The following PHKG2 variants were observed in gnomAD, a reference collection of about 807,000 sequenced individuals.
The protein encoded by PHKG2 is phosphorylase kinase catalytic subunit gamma 2.
In PHKG2, 28 loss-of-function variants were observed where a neutral mutation model predicts 44.5. That is an observed-to-expected ratio of 0.63 (90% confidence interval 0.47 to 0.86). The LOEUF is 0.86. Ranked by LOEUF, PHKG2 falls within the 40% of genes least tolerant of loss-of-function variation. The pLI, the probability that PHKG2 is intolerant of heterozygous loss-of-function variation, is 0.00. For missense variants in PHKG2, 498 were observed against 547.5 expected (o/e 0.91, Z 0.90); for synonymous variants, 220 against 211.2 (o/e 1.04, Z -0.36).
chr16:30,760,292 G>T lies in PHKG2; in HGVS notation c.*3195G>T. The T allele has an allele frequency of 6.2e-7, 1 of 1,614,130 alleles. No individual in the cohort carries two copies. The highest frequency in any genetic ancestry group is 1.6e-4 in the Middle Eastern group (1 of 6,062). The stretch of plus-strand genomic sequence containing the variant: ...TAGCTGCCCCCTCTCACCAATACAA[G>T]CCTTGTGAAGATCCTGGAGCAGGGC... On this transcript the variant is annotated 3_prime_UTR_variant, in exon 10 of 10. Coordinates refer to ENST00000563588, the MANE Select transcript of PHKG2 (RefSeq NM_000294.3).
intron 4 of PHKG2, among the ~76,000 whole-genome samples, chr16:30,752,129 G>A (rs2053356560): frequency 6.9e-6 from 1 of 144,522 alleles, no homozygotes; most frequent in Non-Finnish European, 1.5e-5. Context: ...AGACGTGGTA[G>A]CTCATGCCTG....
At chr16:30,750,640 C>T (rs937796237) in intron 2 of PHKG2, among the ~76,000 whole-genome samples, 1 of 152,200 alleles carries the variant, frequency 6.6e-6, no homozygotes, top group Non-Finnish European at 1.5e-5. Context: ...AATCTGGGGT[C>T]TGCACTAAGA....
intron 1 of PHKG2, 41 bp downstream of exon 1, chr16:30,748,531 C>T (rs1450482638): frequency 1.2e-5 from 6 of 512,162 alleles, no homozygotes; most frequent in African/African-American, 9.9e-5. Flanking sequence ...CTGCGCCCGC[C>T]CGAATGCGCC....
chr16:30,753,484 A>G lies in PHKG2; in HGVS notation c.483A>G (p.Leu161=). The G allele has an allele frequency of 2.5e-6, 4 of 1,614,098 alleles. No homozygotes were observed. Among genetic ancestry groups the G allele is most frequent in the Non-Finnish European group, 3.4e-6 (4 of 1,179,982 alleles). ...ATCTGAAGCCCGAGAATATTCTCCT[A>G]GATGACAATATGCAGATCCGACTTT... The part of the protein sequence containing the change: ...HRDLKPENIL[L]DDNMQIRLSD... The change falls in exon 6 of 10, where the codon CTA becomes CTG. Residue 161 remains leucine, a synonymous_variant. Coordinates refer to ENST00000563588, the MANE Select transcript of PHKG2 (RefSeq NM_000294.3).
chr16:30,761,016 TCACAC>T lies in PHKG2; in HGVS notation c.*3920_*3924del. On this transcript the variant is annotated 3_prime_UTR_variant, in exon 10 of 10. Coordinates refer to ENST00000563588, the MANE Select transcript of PHKG2 (RefSeq NM_000294.3). ...CATTCTGTCTTTGGCTCTTTTTTTCTCACACTGCCTCCTCTTTGGACTGGAGAGGC... is the reference window on the plus strand; with the variant it reads ...CATTCTGTCTTTGGCTCTTTTTTTCTTGCCTCCTCTTTGGACTGGAGAGGC... 3.0e-6 allele frequency: 2 copies of T among 666,530 alleles called. No homozygotes were observed. Among genetic ancestry groups the T allele is most frequent in the Admixed American group, 5.8e-5 (2 of 34,416 alleles). 41.3% of individuals were successfully genotyped at this position (666,530 alleles called of 1,614,324 possible).
rs1238172077 is a variant in PHKG2, at chr16:30,757,605, C to G, written c.*508C>G. The G allele has an allele frequency of 4.3e-6, 7 of 1,614,040 alleles. No homozygotes were observed. The highest frequency in any genetic ancestry group is 5.9e-6 in the Non-Finnish European group (7 of 1,180,010). On this transcript the variant is annotated 3_prime_UTR_variant, in exon 10 of 10. Transcript: ENST00000563588. ...CCACCAGCCCCTGGAGCTGCTCCAGCTCTTTGTTCACTTGGGTCTTGATGT... is the reference window on the plus strand; with the variant it reads ...CCACCAGCCCCTGGAGCTGCTCCAGGTCTTTGTTCACTTGGGTCTTGATGT...
intron 2 of PHKG2, among the ~76,000 whole-genome samples, 176 bp downstream of exon 2, chr16:30,749,091 CTGCTGCTGCTGCTGCTGCTGG>C (rs2053300688): frequency 2.5e-4 from 3 of 12,228 alleles, no homozygotes; most frequent in African/African-American, 9.4e-4. Flanking sequence ...GGTGGTGGTG[CTGCTGCTGCTGCTGCTGCTGG>C]TGGTGCTGGT....
At chr16:30,752,143 T>C (rs1306803141) in intron 4 of PHKG2, among the ~76,000 whole-genome samples, 1 of 143,748 alleles carries the variant, frequency 7.0e-6, no homozygotes, top group Non-Finnish European at 1.5e-5. Context: ...ATGCCTGTAA[T>C]CCCAGCATTT....
At position 30,757,636 on chromosome 16, in the gene PHKG2, C is replaced by A. The variant is rs201418865; in HGVS notation, c.*539C>A. 6.2e-6 allele frequency: 10 copies of A among 1,613,254 alleles called. No individual in the cohort carries two copies. On this transcript the variant is annotated 3_prime_UTR_variant, in exon 10 of 10. Transcript: ENST00000563588. ...GTTCACTTGGGTCTTGATGTAGGCT[C>A]GGAGGACGTGGATGTGGCCTGCAGG... is the stretch of plus-strand genomic sequence containing the variant.
chr16:30,760,671 G>T lies in PHKG2; in HGVS notation c.*3574G>T. ...TGGAATGGACGTCCAGGTACTTCCT[G>T]TTATAGTAAAAGAAAAAGAGTATTG... On this transcript the variant is annotated 3_prime_UTR_variant, in exon 10 of 10. Coordinates refer to ENST00000563588, the MANE Select transcript of PHKG2 (RefSeq NM_000294.3). 6.5e-7 allele frequency: 1 copy of T among 1,528,948 alleles called. No individual in the cohort carries two copies. The highest frequency in any genetic ancestry group is 1.2e-5 in the South Asian group (1 of 82,050). 94.7% of individuals were successfully genotyped at this position (1,528,948 alleles called of 1,614,324 possible).
rs898984695 is a variant in PHKG2, at chr16:30,751,099, C to T, written c.96-7C>T. The T allele has an allele frequency of 1.2e-6, 2 of 1,613,112 alleles. No individual in the cohort carries two copies. Among genetic ancestry groups the T allele is most frequent in the Non-Finnish European group, 1.7e-6 (2 of 1,179,990 alleles). On this transcript the variant is annotated splice_polypyrimidine_tract_variant and splice_region_variant and intron_variant, in intron 2 of 9. Transcript: ENST00000563588. ...CCCTGACTTGTGCTATTTTCCGGCT[C>T]TTGCAGAGGAGTGAGCTCTGTGGTC...
intron 6 of PHKG2, chr16:30,755,101 G>A: frequency 2.9e-6 from 1 of 345,256 alleles, no homozygotes; most frequent in South Asian, 2.2e-5. Flanking sequence ...CTTGAGCCAA[G>A]CGTGGTGGCA....
chr16:30,759,247 C>A lies in PHKG2; in HGVS notation c.*2150C>A. On this transcript the variant is annotated 3_prime_UTR_variant, in exon 10 of 10. Transcript: ENST00000563588. ...TAAGTCAAAGACAGATCCAGCCGCA[C>A]CTGGGAAGCAAGGCAGAGGGAGGCT... 6.2e-7 allele frequency: 1 copy of A among 1,614,122 alleles called. No individual in the cohort carries two copies. Among genetic ancestry groups the A allele is most frequent in the Non-Finnish European group, 8.5e-7 (1 of 1,180,022 alleles).
chr16:30,755,715 C>G (rs1175185842), intron 6 of PHKG2, among the ~76,000 whole-genome samples: 1 of 151,974 alleles, frequency 6.6e-6, no homozygotes, highest in Non-Finnish European at 1.5e-5. Context: ...TCCACTTCTT[C>G]CCCTTGGGTT....
intron 6 of PHKG2, among the ~76,000 whole-genome samples, chr16:30,754,315 A>G (rs947443195): frequency 2.0e-5 from 3 of 151,884 alleles, no homozygotes; most frequent in Non-Finnish European, 2.9e-5. Context: ...ACAGGTGCCC[A>G]CCACTACGCC....
chr16:30,760,819 TG>T lies in PHKG2; in HGVS notation c.*3725del, dbSNP rs2151319173. The stretch of plus-strand genomic sequence containing the variant: ...GTGACTATGCAAATCGTTAACTCTC[TG>T]GGCCTAAATGAACTCTTATGAGCCT... On this transcript the variant is annotated 3_prime_UTR_variant, in exon 10 of 10. Coordinates refer to ENST00000563588, the MANE Select transcript of PHKG2 (RefSeq NM_000294.3). 2.8e-6 allele frequency: 2 copies of T among 702,418 alleles called. No homozygotes were observed. Among genetic ancestry groups the T allele is most frequent in the African/African-American group, 1.7e-5 (1 of 57,262 alleles). 43.5% of individuals were successfully genotyped at this position (702,418 alleles called of 1,614,324 possible). A position where few individuals can be genotyped will look rare whatever the true frequency, so the allele number is the denominator to read the frequency against.
intron 6 of PHKG2, among the ~76,000 whole-genome samples, chr16:30,753,785 G>A (rs1413785292): frequency 2.6e-5 from 4 of 152,174 alleles, no homozygotes; most frequent in Non-Finnish European, 5.9e-5. Flanking sequence ...GTGCACAGTG[G>A]GCAGAGGGCC....
intron 4 of PHKG2, among the ~76,000 whole-genome samples, chr16:30,752,280 C>T (rs2053361181): frequency 6.9e-6 from 1 of 144,630 alleles, no homozygotes; most frequent in Admixed American, 7.0e-5. Context: ...TGCCTGTAAT[C>T]CCAGCTAATC....
rs964186357 is a variant in PHKG2, at chr16:30,757,240, T to C, written c.*143T>C. 9 of 1,573,988 alleles carry C rather than the reference T, an allele frequency of 5.7e-6. No homozygotes were observed. The highest frequency in any genetic ancestry group is 6.8e-6 in the Non-Finnish European group (8 of 1,167,954). On this transcript the variant is annotated 3_prime_UTR_variant, in exon 10 of 10. Transcript: ENST00000563588. ...CTTGAAGACCAGCCCGGTACCTCTC[T>C]CCCCACTGGCCAGGACTCTGAGATC... is the stretch of plus-strand genomic sequence containing the variant.
Sources: allele counts gnomAD v4.1 joint callset (sites outside exome capture counted in the v4.1 genomes callset), GRCh38; gene constraint gnomAD v4.1.1; transcripts MANE v1.5; gene names NCBI Gene and HGNC (gene_info 2026-07-23, HGNC 2026-07-21).